Variants in TAFA5 observed in about 807,000 individuals in gnomAD.
TAFA5 encodes the protein TAFA chemokine like family member 5.
A neutral mutation model predicts 15.3 loss-of-function variants in TAFA5; 6 were observed. The ratio of observed to expected loss-of-function variants is 0.39; its 90% CI spans 0.21 to 0.77. TAFA5 has a LOEUF of 0.77. TAFA5 is among the 30% of genes least tolerant of loss of function. TAFA5 has a pLI of 0.41. For missense variants in TAFA5, 161 were observed against 193.1 expected, an observed-to-expected ratio of 0.83 and a Z score of 0.98; for synonymous variants, 103 against 80.7, an observed-to-expected ratio of 1.28 and a Z score of -1.48.
chr22:48,596,677 C>A (rs575023332), intron 1 of TAFA5, among the ~76,000 whole-genome samples: 2 of 152,144 alleles, frequency 1.3e-5, no homozygotes, highest in African/African-American at 4.8e-5. Context: ...TTCACACCAG[C>A]GCTCACTCTT....
intron 1 of TAFA5, among the ~76,000 whole-genome samples, chr22:48,646,244 G>T (rs1926858345): frequency 6.6e-6 from 1 of 152,222 alleles, no homozygotes; most frequent in African/African-American, 2.4e-5. Flanking sequence ...TCCAGCAGGT[G>T]CCTGATTGTG....
At chr22:48,619,129 T>C (rs1266675243) in intron 1 of TAFA5, among the ~76,000 whole-genome samples, 2 of 152,224 alleles carry the variant, frequency 1.3e-5, no homozygotes, top group Admixed American at 1.3e-4. Flanking sequence ...GCAGCTAAAA[T>C]ATCTAGTGGT....
chr22:48,493,207 G>A (rs1039859358), intron 1 of TAFA5, among the ~76,000 whole-genome samples: 7 of 152,212 alleles, frequency 4.6e-5, no homozygotes, highest in Admixed American at 2.6e-4. Context: ...TATTCAGCAC[G>A]AGCAGGTGGA....
At position 48,566,782 on chromosome 22, in the gene TAFA5, C is replaced by T. The variant is rs1923422225; in HGVS notation, c.112+77078C>T. Reference sequence around the variant, plus strand: ...ACCCAGCCCCTGATCATGCTCTCCTCCTTTTGCCTGTGTCCTCCTTGGAAG... The same window carrying T: ...ACCCAGCCCCTGATCATGCTCTCCTTCTTTTGCCTGTGTCCTCCTTGGAAG... On this transcript the variant is annotated intron_variant, in intron 1 of 3. Coordinates refer to ENST00000402357, the MANE Select transcript of TAFA5 (RefSeq NM_001082967.3). The surrounding 1 kb of genome is among the most constrained non-coding windows in gnomAD (Gnocchi z 4.5). Among the ~76,000 whole-genome samples, 1 of 152,180 alleles carries T rather than the reference C, an allele frequency of 6.6e-6. No individual in the cohort carries two copies. The highest frequency in any genetic ancestry group is 2.1e-4 in the South Asian group (1 of 4,828).
chr22:48,579,949 A>G (rs766739964), intron 1 of TAFA5, among the ~76,000 whole-genome samples: 1 of 151,600 alleles, frequency 6.6e-6, no homozygotes, highest in Non-Finnish European at 1.5e-5. Flanking sequence ...TTGAGGTTCA[A>G]CTCTATCTCG....
chr22:48,721,436 G>A (rs904510811), intron 3 of TAFA5, among the ~76,000 whole-genome samples: 3 of 152,196 alleles, frequency 2.0e-5, no homozygotes, highest in African/African-American at 7.2e-5. Flanking sequence ...CAGAGCCGTT[G>A]GAACCGGTGC....
chr22:48,517,111 T>C (rs1300917488), intron 1 of TAFA5, among the ~76,000 whole-genome samples: 1 of 152,140 alleles, frequency 6.6e-6, no homozygotes, highest in African/African-American at 2.4e-5. Context: ...TCCCTCCCTC[T>C]GCAGCCATTC....
intron 1 of TAFA5, among the ~76,000 whole-genome samples, chr22:48,527,941 G>C (rs1369369533): frequency 6.6e-6 from 1 of 152,242 alleles, no homozygotes; most frequent in African/African-American, 2.4e-5. Flanking sequence ...CTCTTCTTCA[G>C]GCACTTCTGA....
chr22:48,583,293 C>G (rs1397230084), intron 1 of TAFA5, among the ~76,000 whole-genome samples: 1 of 141,564 alleles, frequency 7.1e-6, no homozygotes, highest in Non-Finnish European at 1.5e-5. Flanking sequence ...CAAAATACAC[C>G]ACACACCACA....
At chr22:48,701,004 G>A (rs1003977912) in intron 2 of TAFA5, among the ~76,000 whole-genome samples, 3 of 152,174 alleles carry the variant, frequency 2.0e-5, no homozygotes, top group African/African-American at 7.2e-5. Flanking sequence ...GGGAGGAGAG[G>A]ATGGGAAGAG....
At chr22:48,544,741 T>C (rs4823540) in intron 1 of TAFA5, 330,627 of 471,136 alleles carry the variant, frequency 0.7, 116,580 homozygotes, top group Middle Eastern at 0.82. Context: ...CACTCCGGGC[T>C]GCGGGGAGGC....
chr22:48,527,852 A>G (rs133484), intron 1 of TAFA5, among the ~76,000 whole-genome samples: 129,835 of 152,228 alleles, frequency 0.85, 55,766 homozygotes, highest in Middle Eastern at 0.93. Flanking sequence ...TCACGGGTAG[A>G]TGGAGCCCGG....
rs1921943514 is a variant in TAFA5, at chr22:48,530,771, C to T, written c.112+41067C>T. ...CCCCAGGCCCACCCCTTCAGGGGGCCGGTGGCAGAGGGAGTTCCCAGGAGT... is the reference window on the plus strand; with the variant it reads ...CCCCAGGCCCACCCCTTCAGGGGGCTGGTGGCAGAGGGAGTTCCCAGGAGT... On this transcript the variant is annotated intron_variant, in intron 1 of 3. Transcript: ENST00000402357. The surrounding 1 kb of genome is among the most constrained non-coding windows in gnomAD (Gnocchi z 6.0). 2.0e-5 allele frequency among the ~76,000 whole-genome samples: 3 copies of T among 152,144 alleles called. No individual in the cohort carries two copies. The highest frequency in any genetic ancestry group is 4.1e-4 in the South Asian group (2 of 4,822).
chr22:48,724,855 G>A (rs939103440), intron 3 of TAFA5, among the ~76,000 whole-genome samples: 1 of 152,250 alleles, frequency 6.6e-6, no homozygotes, highest in Non-Finnish European at 1.5e-5. Context: ...GTCCTGCAGA[G>A]ACTCAGCTCC....
intron 1 of TAFA5, chr22:48,576,262 G>GCGGCGCC (rs1194910548): frequency 2.1e-6 from 1 of 484,842 alleles, no homozygotes; most frequent in Admixed American, 5.1e-5. Flanking sequence ...CGCCCCCTCC[G>GCGGCGCC]CGGCGCCCCC....
At chr22:48,700,062 C>G (rs59495677) in intron 2 of TAFA5, among the ~76,000 whole-genome samples, 5 of 152,172 alleles carry the variant, frequency 3.3e-5, no homozygotes, top group Non-Finnish European at 5.9e-5. Context: ...CACACACACC[C>G]CACCTCACAC....
At chr22:48,568,721 G>T (rs1026665909) in intron 1 of TAFA5, among the ~76,000 whole-genome samples, 1 of 152,256 alleles carries the variant, frequency 6.6e-6, no homozygotes, top group Non-Finnish European at 1.5e-5. Flanking sequence ...AACGGTGGCT[G>T]GAGCTGTGAC....
rs574059825 is a variant in TAFA5, at chr22:48,703,118, AC to A, written c.263-4598del. ...GTGCGTGTGTGCTGCACCTATAGAT[AC>A]GTGTTTGTGAGCATGCATGTAAATG... On this transcript the variant is annotated intron_variant, in intron 2 of 3. Coordinates refer to ENST00000402357, the MANE Select transcript of TAFA5 (RefSeq NM_001082967.3). Among the ~76,000 whole-genome samples the A allele has an allele frequency of 1.4e-4, 21 of 152,116 alleles. No homozygotes were observed. The South Asian group carries it at 4.2e-3, about 30-fold the overall frequency.
At position 48,555,687 on chromosome 22, in the gene TAFA5, G is replaced by A. The variant is rs147236426; in HGVS notation, c.112+65983G>A. Among the ~76,000 whole-genome samples, 63 of 152,286 alleles carry A rather than the reference G, an allele frequency of 4.1e-4. No individual in the cohort carries two copies. In the East Asian group the frequency reaches 8.1e-3, roughly 20 times the overall value. The stretch of plus-strand genomic sequence containing the variant: ...TGGCCTCCTGCAGCCAGGTGACCCC[G>A]TCATCAGCAAGGCCCAGGGAAGAGG... On this transcript the variant is annotated intron_variant, in intron 1 of 3. Transcript: ENST00000402357.
Sources: gnomAD v4.1 joint callset for allele counts (sites outside exome capture counted in the v4.1 genomes callset) on GRCh38, gnomAD v4.1.1 for gene constraint, Gnocchi (gnomAD v3.1) non-coding constraint, MANE v1.5 for transcripts, NCBI Gene and HGNC (gene_info 2026-07-23, HGNC 2026-07-21) for gene names.